The following DST variants were observed in gnomAD, a reference collection of about 807,000 sequenced individuals.
DST encodes the protein bullous pemphigoid antigen.
DST carries 253 observed loss-of-function variants against 875.2 expected under a neutral mutation model. That is an observed-to-expected ratio of 0.29 (90% CI 0.26 to 0.32). The LOEUF (loss-of-function observed/expected upper bound fraction) is 0.32, where lower values mean the gene tolerates loss of function less well. Among genes scored for constraint, DST ranks in the 10% least tolerant of loss-of-function variants. DST has a pLI of 1.00. For missense variants in DST, 8,287 were observed against 9,111.6 expected, an observed-to-expected ratio of 0.91 and a Z score of 3.68; for synonymous variants, 3,124 against 3,197.1, an observed-to-expected ratio of 0.98 and a Z score of 0.77.
Position 56,608,533 on chromosome 6 carries a change from C to A in DST, c.6095G>T (p.Gly2032Val), listed in dbSNP as rs545139802. Reference sequence around the variant, plus strand: ...GGCAGGGTTTGACTGGATGATTCCACCAGTTTGAACCTGATATGTGAGGAT... The same window carrying A: ...GGCAGGGTTTGACTGGATGATTCCAACAGTTTGAACCTGATATGTGAGGAT... ...SSILTYQVQT[G>V]GIIQSNPAKR... Residue 2032 changes from glycine to valine, a missense_variant, in exon 40 of 104, where the codon GGT (glycine) becomes GTT (valine). Gly to Val is a moderately radical substitution (Grantham distance 109). Around this residue, in one of 10 missense-constraint regions of DST, gnomAD observed 3,138 missense variants for 3,116.6 expected, o/e 1.01. Transcript: ENST00000680361. 1 of 1,613,400 alleles carries A rather than the reference C, an allele frequency of 6.2e-7. No homozygotes were observed. The highest frequency in any genetic ancestry group is 8.5e-7 in the Non-Finnish European group (1 of 1,179,742).
chr6:56,585,841 T>C (rs1407304969), intron 49 of DST, among the ~76,000 whole-genome samples: 1 of 152,196 alleles, frequency 6.6e-6, no homozygotes, highest in African/African-American at 2.4e-5. Context: ...TCTGCCTTCA[T>C]TTCGTTAGGT....
intron 3 of DST, among the ~76,000 whole-genome samples, chr6:56,899,282 A>C (rs1012207502): frequency 6.6e-6 from 1 of 152,230 alleles, no homozygotes; most frequent in Non-Finnish European, 1.5e-5. Context: ...ATTTCTCTGC[A>C]TAGATACCAA....
chr6:56,483,361 T>C lies in DST; in HGVS notation c.21208-484A>G, dbSNP rs941067731. Among the ~76,000 whole-genome samples the C allele has an allele frequency of 1.2e-4, 18 of 152,276 alleles. 1 individual carries two copies. In the South Asian group the frequency reaches 3.1e-3, roughly 26 times the overall value. Reference sequence around the variant, plus strand: ...GCAATCTTGATGTGTGTACCACGGATGTCTTAGAGATAATGGCAGGGAATT... The same window carrying C: ...GCAATCTTGATGTGTGTACCACGGACGTCTTAGAGATAATGGCAGGGAATT... On this transcript the variant is annotated intron_variant, in intron 88 of 103. Transcript: ENST00000680361.
intron 4 of DST, among the ~76,000 whole-genome samples, chr6:56,771,299 C>T (rs2152977297): frequency 6.6e-6 from 1 of 152,186 alleles, no homozygotes; most frequent in African/African-American, 2.4e-5. Flanking sequence ...AATTCTTTAA[C>T]ACAGGGCCCC....
At chr6:56,838,269 G>A (rs2099795997) in intron 4 of DST, among the ~76,000 whole-genome samples, 1 of 152,198 alleles carries the variant, frequency 6.6e-6, no homozygotes, top group Non-Finnish European at 1.5e-5. Context: ...AAATGAACAT[G>A]ACAGCCTAGA....
rs759610254 is a variant in DST, at chr6:56,699,642, T to C, written c.1047+11A>G. On this transcript the variant is annotated intron_variant, in intron 9 of 103. Coordinates refer to ENST00000680361, the MANE Select transcript of DST (RefSeq NM_001374736.1). ...CAATTAGATGCTGAAATTAAGAAAA[T>C]TTGGGCTTACCTGAAAGTGCAAAAT... The C allele has an allele frequency of 2.1e-6, 3 of 1,455,418 alleles. No homozygotes were observed. Among genetic ancestry groups the C allele is most frequent in the Non-Finnish European group, 2.8e-6 (3 of 1,077,078 alleles). The allele number at this position is 1,455,418 out of a possible 1,614,324, so 90.2% of individuals were successfully genotyped here.
chr6:56,760,956 C>T (rs1363868778), intron 4 of DST, among the ~76,000 whole-genome samples: 3 of 152,212 alleles, frequency 2.0e-5, no homozygotes, highest in African/African-American at 7.2e-5. Flanking sequence ...AGAGCTAATT[C>T]CAATCACTGT....
In DST at chr6:56,791,573, C is replaced by A. The variant is rs374238844; in HGVS notation, c.626-56284G>T. On this transcript the variant is annotated intron_variant, in intron 4 of 103. Transcript: ENST00000680361. ...AGGCCGAGGTGGGAGGATCACTGAG[C>A]CCAGAAGTTCGAGACCAGCCTACGC... Among the ~76,000 whole-genome samples, 39 of 152,014 alleles carry A rather than the reference C, an allele frequency of 2.6e-4. No individual in the cohort carries two copies. The South Asian group carries it at 3.5e-3, about 14-fold the overall frequency.
At chr6:56,780,063 T>C (rs1443066721) in intron 4 of DST, among the ~76,000 whole-genome samples, 4 of 151,844 alleles carry the variant, frequency 2.6e-5, no homozygotes, top group African/African-American at 9.7e-5. Context: ...ACTCATCATT[T>C]TTTATGGCTG....
intron 88 of DST, chr6:56,485,048 A>G (rs2095517207): frequency 2.7e-6 from 1 of 372,906 alleles, no homozygotes. Flanking sequence ...CCAGAGAATG[A>G]AATCACTTTC....
At position 56,659,481 on chromosome 6, in the gene DST, C is replaced by T. The variant is rs574617932; in HGVS notation, c.1215-8237G>A. ...GAGTATTTCAAGAAGAAAAGAATGGCCAATAGGGTGAAATACTAAAATGTA... is the reference window on the plus strand; with the variant it reads ...GAGTATTTCAAGAAGAAAAGAATGGTCAATAGGGTGAAATACTAAAATGTA... On this transcript the variant is annotated intron_variant, in intron 10 of 103. Coordinates refer to ENST00000680361, the MANE Select transcript of DST (RefSeq NM_001374736.1). Among the ~76,000 whole-genome samples, 6 of 152,094 alleles carry T rather than the reference C, an allele frequency of 3.9e-5. No individual in the cohort carries two copies. In the South Asian group the frequency reaches 1.3e-3, roughly 32 times the overall value.
chr6:56,842,824 T>TC (rs1449152105), intron 4 of DST, among the ~76,000 whole-genome samples: 1 of 151,780 alleles, frequency 6.6e-6, no homozygotes, highest in African/African-American at 2.4e-5. Flanking sequence ...ACAACCCCCT[T>TC]CCCCCCTCTC....
At chr6:56,588,068 C>G (rs2152676144) in intron 49 of DST, among the ~76,000 whole-genome samples, 1 of 152,170 alleles carries the variant, frequency 6.6e-6, no homozygotes, top group African/African-American at 2.4e-5. Context: ...ACAATATTAA[C>G]TTTAAATGTA....
In DST at chr6:56,497,860, C is replaced by G; in HGVS notation, c.20090G>C (p.Arg6697Pro). ...AGAATTTATTCTCTTACTCACCTGG[C>G]GCAAGGCACCATCCAGCTGCTGCTT... Reference protein sequence around the residue: ...QRKQQLDGALRQAKGFHGEIE... With the variant: ...QRKQQLDGALPQAKGFHGEIE... Residue 6697 changes from arginine to proline, a missense_variant, in exon 81 of 104, where the codon CGC (arginine) becomes CCC (proline). Physicochemically the swap from Arg to Pro is moderately radical, Grantham distance 103. Coordinates refer to ENST00000680361, the MANE Select transcript of DST (RefSeq NM_001374736.1). 6.2e-7 allele frequency: 1 copy of G among 1,605,414 alleles called. No homozygotes were observed. Among genetic ancestry groups the G allele is most frequent in the Non-Finnish European group, 8.5e-7 (1 of 1,175,332 alleles).
chr6:56,458,752 G>A lies in DST; in HGVS notation c.*253C>T, dbSNP rs79455288. Reference sequence around the variant, plus strand: ...CAGTAACTGAGTTTAGTGTGTGCCCGGCACGTTACAGTGCAGAAATGTTAG... The same window carrying A: ...CAGTAACTGAGTTTAGTGTGTGCCCAGCACGTTACAGTGCAGAAATGTTAG... On this transcript the variant is annotated 3_prime_UTR_variant, in exon 104 of 104. Transcript: ENST00000680361. The A allele has an allele frequency of 4.5e-3, 1,460 of 321,980 alleles. 9 individuals are homozygous for A. The highest frequency in any genetic ancestry group is 6.6e-3 in the Admixed American group (145 of 21,920). 19.9% of individuals were successfully genotyped at this position (321,980 alleles called of 1,614,324 possible).
intron 36 of DST, among the ~76,000 whole-genome samples, chr6:56,621,734 T>C (rs899999899): frequency 6.6e-6 from 1 of 152,184 alleles, no homozygotes; most frequent in African/African-American, 2.4e-5. Flanking sequence ...TCTTTATTAA[T>C]ATTCTAGTGT....
chr6:56,671,502 T>G (rs1705865798), intron 9 of DST, among the ~76,000 whole-genome samples: 1 of 152,218 alleles, frequency 6.6e-6, no homozygotes, highest in African/African-American at 2.4e-5. Flanking sequence ...GATTTTTTTC[T>G]CCTGTATTTT....
chr6:56,806,727 A>T (rs2099753397), intron 4 of DST, among the ~76,000 whole-genome samples: 1 of 152,214 alleles, frequency 6.6e-6, no homozygotes, highest in South Asian at 2.1e-4. Context: ...TAATAATGAC[A>T]ACAACTTGTA....
chr6:56,569,825 G>A (rs751383634), intron 54 of DST, 31 bp downstream of exon 54: 2 of 1,571,616 alleles, frequency 1.3e-6, no homozygotes, highest in Non-Finnish European at 1.7e-6. Flanking sequence ...TGACACAAAT[G>A]GAAATTTAGT....
Sources: allele counts gnomAD v4.1 joint callset (sites outside exome capture counted in the v4.1 genomes callset), GRCh38; gene constraint gnomAD v4.1.1; regional missense constraint gnomAD v4.1.1; transcripts MANE v1.5; gene names NCBI Gene and HGNC (gene_info 2026-07-23, HGNC 2026-07-21).